The following RAB28 variants were observed in gnomAD, a reference collection of about 807,000 sequenced individuals.
The protein encoded by RAB28 is RAB28, member RAS oncogene family.
RAB28 carries 24 observed loss-of-function variants against 31.7 expected under a neutral mutation model. That is an observed-to-expected ratio of 0.76 (90% CI 0.55 to 1.06). The LOEUF (loss-of-function observed/expected upper bound fraction) is 1.06, where lower values mean the gene tolerates loss of function less well. RAB28 is among the 50% of genes least tolerant of loss of function. RAB28 has a pLI of 0.00. For synonymous variants in RAB28, 100 were observed against 90.4 expected (o/e 1.11, Z -0.60); for missense variants, 254 against 258.5 (o/e 0.98, Z 0.12).
chr4:13,413,576 C>A (rs987395594), intron 4 of RAB28, among the ~76,000 whole-genome samples: 11 of 151,254 alleles, frequency 7.3e-5, no homozygotes, highest in Non-Finnish European at 5.9e-5. Flanking sequence ...GAAAATGAAC[C>A]CAAAATTAAT....
chr4:13,387,504 A>G (rs1729426601), intron 4 of RAB28, among the ~76,000 whole-genome samples: 1 of 152,102 alleles, frequency 6.6e-6, no homozygotes, highest in African/African-American at 2.4e-5. Flanking sequence ...GTACAAAAAC[A>G]AAAATCCATA....
chr4:13,402,669 T>G (rs540607463), intron 4 of RAB28, among the ~76,000 whole-genome samples: 1 of 152,312 alleles, frequency 6.6e-6, no homozygotes, highest in East Asian at 1.9e-4. Context: ...GGTCTTGCTT[T>G]TCTATCCAAT....
In RAB28 at chr4:13,454,487, G is replaced by C. The variant is rs999917913; in HGVS notation, c.391+6212C>G. 5.9e-5 allele frequency among the ~76,000 whole-genome samples: 9 copies of C among 152,314 alleles called. No individual in the cohort carries two copies. In the South Asian group the frequency reaches 1.9e-3, roughly 32 times the overall value. The stretch of plus-strand genomic sequence containing the variant: ...CTAATTTTATGGAGTAGGATAAGAA[G>C]AGACTTACTCATATAGATGGGCCCT... On this transcript the variant is annotated intron_variant, in intron 4 of 6. Transcript: ENST00000330852.
At chr4:13,440,285 A>G (rs1200352672) in intron 4 of RAB28, among the ~76,000 whole-genome samples, 1 of 152,154 alleles carries the variant, frequency 6.6e-6, no homozygotes, top group African/African-American at 2.4e-5. Flanking sequence ...GAAATAACCA[A>G]GATTTGGAAT....
At chr4:13,379,215 A>G (rs1729038716) in intron 5 of RAB28, among the ~76,000 whole-genome samples, 1 of 151,054 alleles carries the variant, frequency 6.6e-6, no homozygotes, top group Admixed American at 6.6e-5. Context: ...CAAAAAAAAA[A>G]AAAAAAAAAA....
At chr4:13,378,385 G>T (rs1302686472) in intron 5 of RAB28, among the ~76,000 whole-genome samples, 2 of 152,126 alleles carry the variant, frequency 1.3e-5, no homozygotes, top group African/African-American at 2.4e-5. Context: ...TTGATGACGT[G>T]AATAATAGCA....
chr4:13,387,262 G>T (rs1344852563), intron 4 of RAB28, among the ~76,000 whole-genome samples: 1 of 151,934 alleles, frequency 6.6e-6, no homozygotes, highest in Non-Finnish European at 1.5e-5. Context: ...AGAAAATATA[G>T]GAAGTTAACA....
intron 4 of RAB28, among the ~76,000 whole-genome samples, chr4:13,409,783 A>C (rs1712317924): frequency 6.6e-6 from 1 of 152,214 alleles, no homozygotes; most frequent in African/African-American, 2.4e-5. Context: ...AGATGAAGAA[A>C]TTTTGGAAAC....
At chr4:13,408,801 A>C (rs1712253325) in intron 4 of RAB28, among the ~76,000 whole-genome samples, 1 of 152,176 alleles carries the variant, frequency 6.6e-6, no homozygotes, top group Non-Finnish European at 1.5e-5. Context: ...AAAATCCTAA[A>C]AAAGGCATTA....
intron 4 of RAB28, among the ~76,000 whole-genome samples, chr4:13,403,064 G>C (rs2108902129): frequency 6.6e-6 from 1 of 152,160 alleles, no homozygotes; most frequent in South Asian, 2.1e-4. Flanking sequence ...CAAAGTGCTG[G>C]GATTACAGGT....
chr4:13,460,438 A>G (rs1040675156), intron 4 of RAB28, among the ~76,000 whole-genome samples: 4 of 151,820 alleles, frequency 2.6e-5, no homozygotes, highest in African/African-American at 9.7e-5. Flanking sequence ...TTTGTCCGAA[A>G]CTCCTGGCCT....
Position 13,479,442 on chromosome 4 carries a change from T to C in RAB28, c.160A>G (p.Ile54Val). 6.2e-7 allele frequency: 1 copy of C among 1,600,770 alleles called. No homozygotes were observed. The highest frequency in any genetic ancestry group is 8.5e-7 in the Non-Finnish European group (1 of 1,169,670). The change falls in exon 2 of 7, where the codon ATA becomes GTA. Residue 54 changes from isoleucine (I) to valine (V), a missense_variant. Ile to Val is a conservative substitution (Grantham distance 29). Transcript: ENST00000330852. Reference sequence around the variant, plus strand: ...TTTAGTCTCTTACCTGGCAATGTTATCCTTCTCAAAAAGAAATCCAGTCCT... The same window carrying C: ...TTTAGTCTCTTACCTGGCAATGTTACCCTTCTCAAAAAGAAATCCAGTCCT... ...TIGLDFFLRR[I>V]TLPGNLNVTL...
intron 3 of RAB28, 126 bp downstream of exon 3, chr4:13,474,192 T>C (rs1461963521): frequency 1.3e-6 from 1 of 782,190 alleles, no homozygotes; most frequent in South Asian, 1.4e-5. Flanking sequence ...TATAAAATTA[T>C]TCTCTCTACG....
intron 4 of RAB28, among the ~76,000 whole-genome samples, chr4:13,394,867 G>A (rs1190311850): frequency 6.6e-6 from 1 of 152,138 alleles, no homozygotes; most frequent in Non-Finnish European, 1.5e-5. Context: ...CACTTTAAGA[G>A]ACTTTTGAAA....
intron 6 of RAB28, among the ~76,000 whole-genome samples, chr4:13,375,662 T>C (rs2109590): frequency 0.41 from 62,927 of 152,026 alleles, 15,501 homozygotes; most frequent in East Asian, 0.58. Flanking sequence ...CTTTGAATGA[T>C]GGGAATTAAA....
chr4:13,420,903 C>CA (rs1343162861), intron 4 of RAB28, among the ~76,000 whole-genome samples: 2 of 151,968 alleles, frequency 1.3e-5, no homozygotes, highest in East Asian at 1.9e-4. Flanking sequence ...AAGTTCTGGC[C>CA]GAGCAATCAG....
chr4:13,478,213 T>C (rs1008240966), intron 2 of RAB28, among the ~76,000 whole-genome samples: 1 of 151,596 alleles, frequency 6.6e-6, no homozygotes, highest in Non-Finnish European at 1.5e-5. Flanking sequence ...AATAATAAAA[T>C]TAAAATGACA....
rs76403433 is a variant in RAB28 at position 13,444,770 on chromosome 4, T to A, written c.391+15929A>T. On this transcript the variant is annotated intron_variant, in intron 4 of 6. Transcript: ENST00000330852. ...CCCAAAGCTTAATCTTTAGACCTCA[T>A]CTCTTTTTAAACTCACTCCTTAAGG... Among the ~76,000 whole-genome samples the A allele has an allele frequency of 4.6e-3, 696 of 152,320 alleles. 6 individuals are homozygous for A. Among genetic ancestry groups the A allele is most frequent in the African/African-American group, 0.016 (663 of 41,566 alleles).
rs565020165 is a variant in RAB28 at position 13,481,986 on chromosome 4, C to A, written c.75+2090G>T. On this transcript the variant is annotated intron_variant, in intron 1 of 6. Coordinates refer to ENST00000330852, the MANE Select transcript of RAB28 (RefSeq NM_001017979.3). ...TGAATAGGGTATGGAGAAAAAAATTCTTGATTTAAGAATAATGAAAGAAGG... is the reference window on the plus strand; with the variant it reads ...TGAATAGGGTATGGAGAAAAAAATTATTGATTTAAGAATAATGAAAGAAGG... Among the ~76,000 whole-genome samples, 219 of 152,210 alleles carry A rather than the reference C, an allele frequency of 1.4e-3. 2 individuals are homozygous for A. The highest frequency in any genetic ancestry group is 5.1e-3 in the African/African-American group (210 of 41,552).
Sources: allele counts gnomAD v4.1 joint callset (sites outside exome capture counted in the v4.1 genomes callset), GRCh38; gene constraint gnomAD v4.1.1; transcripts MANE v1.5; gene names NCBI Gene and HGNC (gene_info 2026-07-23, HGNC 2026-07-21).